NBEA: variants seen among roughly 807,000 people sequenced by gnomAD.
The protein encoded by NBEA is neurobeachin, also known as lysosomal-trafficking regulator 2.
A neutral mutation model predicts 343.4 loss-of-function variants in NBEA; 44 were observed. The ratio of observed to expected loss-of-function variants is 0.13; its 90% CI spans 0.10 to 0.16. The LOEUF (loss-of-function observed/expected upper bound fraction) is 0.16, where lower values mean the gene tolerates loss of function less well. Among genes scored for constraint, NBEA ranks in the 10% least tolerant of loss-of-function variants. The probability of loss-of-function intolerance (pLI) is 1.00; values close to 1 mark genes in which losing one functional copy is unlikely to be tolerated. For missense variants in NBEA, 2,555 were observed against 3,631.3 expected, an observed-to-expected ratio of 0.70 and a Z score of 7.62; for synonymous variants, 1,175 against 1,238.7, an observed-to-expected ratio of 0.95 and a Z score of 1.08.
intron 41 of NBEA, among the ~76,000 whole-genome samples, chr13:35,522,127 A>G (rs2077745058): frequency 6.6e-6 from 1 of 152,046 alleles, no homozygotes; most frequent in South Asian, 2.1e-4. Flanking sequence ...CCAGAGATGG[A>G]TGCTGATACT....
intron 1 of NBEA, among the ~76,000 whole-genome samples, chr13:34,986,095 C>G (rs948376305): frequency 6.6e-6 from 1 of 150,466 alleles, no homozygotes; most frequent in African/African-American, 2.4e-5. Flanking sequence ...TGTGTTTGCT[C>G]TTGCTTCTCT....
At chr13:35,546,463 CAA>C (rs754913026) in intron 41 of NBEA, among the ~76,000 whole-genome samples, 10 of 104,974 alleles carry the variant, frequency 9.5e-5, no homozygotes, top group African/African-American at 3.3e-5. Context: ...GACTCCATCT[CAA>C]AAAAAAAAAA....
At chr13:35,023,833 T>C (rs890246251) in intron 1 of NBEA, among the ~76,000 whole-genome samples, 1 of 152,154 alleles carries the variant, frequency 6.6e-6, no homozygotes, top group Non-Finnish European at 1.5e-5. Context: ...TTCTTCCACC[T>C]TTTATTTTAG....
At position 35,104,406 on chromosome 13, in the gene NBEA, A is replaced by T. The variant is rs1039262633; in HGVS notation, c.1681-4884A>T. Among the ~76,000 whole-genome samples, 3 of 152,046 alleles carry T rather than the reference A, an allele frequency of 2.0e-5. No individual in the cohort carries two copies. The South Asian group carries it at 6.2e-4, about 32-fold the overall frequency. On this transcript the variant is annotated intron_variant, in intron 11 of 58. Coordinates refer to ENST00000379939, the MANE Select transcript of NBEA (RefSeq NM_001385012.1). ...CTTTATGAAAGCAGGGGCAATGTAT[A>T]TATATTTTTGTCTCCCCTTATTGCT...
At chr13:35,655,077 G>T in intron 54 of NBEA, 67 bp downstream of exon 54, 3 of 1,250,466 alleles carry the variant, frequency 2.4e-6, no homozygotes, top group Non-Finnish European at 1.0e-6. Flanking sequence ...AGCTGAATAT[G>T]AAATCATACT....
chr13:35,399,464 T>C (rs1193081851), intron 38 of NBEA, among the ~76,000 whole-genome samples: 4 of 152,038 alleles, frequency 2.6e-5, no homozygotes, highest in Admixed American at 6.6e-5. Context: ...CAAACACTTA[T>C]AAAACCATCA....
intron 45 of NBEA, among the ~76,000 whole-genome samples, chr13:35,582,058 G>A (rs1166762958): frequency 4.6e-5 from 7 of 152,104 alleles, no homozygotes; most frequent in African/African-American, 1.2e-4. Context: ...AGGCCCAGGC[G>A]GGCGAATCAT....
At chr13:35,554,663 G>C (rs1430694610) in intron 43 of NBEA, among the ~76,000 whole-genome samples, 1 of 152,170 alleles carries the variant, frequency 6.6e-6, no homozygotes, top group Non-Finnish European at 1.5e-5. Flanking sequence ...CAGATTTGCT[G>C]TATTGTTTAA....
At chr13:35,233,825 T>TA (rs1025102282) in intron 34 of NBEA, among the ~76,000 whole-genome samples, 15 of 152,136 alleles carry the variant, frequency 9.9e-5, no homozygotes, top group Non-Finnish European at 1.8e-4. Flanking sequence ...GAATGTTATG[T>TA]AAAAGGATAA....
At chr13:35,486,190 T>C (rs761519028) in intron 41 of NBEA, among the ~76,000 whole-genome samples, 2 of 152,100 alleles carry the variant, frequency 1.3e-5, no homozygotes, top group Non-Finnish European at 2.9e-5. Flanking sequence ...TAGAGAATAA[T>C]TGTTGCTAAT....
At chr13:35,246,290 A>G (rs1469321294) in intron 34 of NBEA, among the ~76,000 whole-genome samples, 1 of 152,086 alleles carries the variant, frequency 6.6e-6, no homozygotes, top group African/African-American at 2.4e-5. Context: ...CTGGCAATTC[A>G]GGGATTTCTT....
chr13:35,236,340 T>C (rs2075227513), intron 34 of NBEA, among the ~76,000 whole-genome samples: 1 of 152,226 alleles, frequency 6.6e-6, no homozygotes, highest in African/African-American at 2.4e-5. Flanking sequence ...TTCTTAAACA[T>C]GTAAAGAAGT....
chr13:35,056,738 T>G (rs2063279271), intron 7 of NBEA, among the ~76,000 whole-genome samples: 1 of 151,934 alleles, frequency 6.6e-6, no homozygotes, highest in Admixed American at 6.6e-5. Context: ...GAGATGAGGT[T>G]AGGCAGAAAT....
chr13:35,050,947 A>G (rs2063045148), intron 6 of NBEA, among the ~76,000 whole-genome samples: 2 of 152,144 alleles, frequency 1.3e-5, no homozygotes, highest in African/African-American at 2.4e-5. Flanking sequence ...AAATAATAGC[A>G]GAGACAAGGC....
chr13:34,950,586 A>G (rs1165727795), intron 1 of NBEA, among the ~76,000 whole-genome samples: 1 of 151,362 alleles, frequency 6.6e-6, no homozygotes. Flanking sequence ...ATTTAGAAAT[A>G]TTTAATTTCT....
At chr13:35,308,327 G>A (rs552257775) in intron 35 of NBEA, among the ~76,000 whole-genome samples, 42 of 150,192 alleles carry the variant, frequency 2.8e-4, no homozygotes, top group Middle Eastern at 6.9e-3. Flanking sequence ...GGAGGGCCAT[G>A]ACTGGTCAAT....
chr13:35,043,706 T>C (rs2062740000), intron 2 of NBEA, among the ~76,000 whole-genome samples: 1 of 151,994 alleles, frequency 6.6e-6, no homozygotes, highest in African/African-American at 2.4e-5. Flanking sequence ...ATTTAATTAT[T>C]AATTGATTAT....
In NBEA at chr13:35,283,977, T is replaced by C. The variant is rs1275857776; in HGVS notation, c.5777-6412T>C. On this transcript the variant is annotated intron_variant, in intron 34 of 58. Transcript: ENST00000379939. ...TCTTACAGATATGTACTCATGCACA[T>C]GTGTACACAGACACACACACACACA... Among the ~76,000 whole-genome samples, 3 of 92,410 alleles carry C rather than the reference T, an allele frequency of 3.2e-5. No homozygotes were observed. In the Admixed American group the frequency reaches 4.5e-4, roughly 14 times the overall value. The allele number at this position is 92,410 out of a possible 152,430, so 60.6% of individuals were successfully genotyped here.
chr13:35,096,155 T>C (rs2065318303), intron 10 of NBEA, among the ~76,000 whole-genome samples: 1 of 151,820 alleles, frequency 6.6e-6, no homozygotes, highest in Non-Finnish European at 1.5e-5. Context: ...TGGCCATCTA[T>C]TTACTATTAC....
Sources: gnomAD v4.1 joint callset for allele counts (sites outside exome capture counted in the v4.1 genomes callset) on GRCh38, gnomAD v4.1.1 for gene constraint, MANE v1.5 for transcripts, NCBI Gene and HGNC (gene_info 2026-07-23, HGNC 2026-07-21) for gene names.